Variants in PTPRD observed in about 807,000 individuals in gnomAD.
PTPRD encodes the protein receptor-type tyrosine-protein phosphatase delta.
A neutral mutation model predicts 214.5 loss-of-function variants in PTPRD; 34 were observed. That is an observed-to-expected ratio of 0.16 (90% CI 0.12 to 0.21). PTPRD has a LOEUF of 0.21. Among genes scored for constraint, PTPRD ranks in the 10% least tolerant of loss-of-function variants. The pLI is 1.00. For missense variants in PTPRD, 2,545 were observed against 2,398.7 expected (o/e 1.06, Z -1.27); for synonymous variants, 1,128 against 845.7 (o/e 1.33, Z -5.79).
intron 11 of PTPRD, among the ~76,000 whole-genome samples, chr9:8,786,375 C>T (rs1253793654): frequency 6.9e-6 from 1 of 144,766 alleles, no homozygotes; most frequent in East Asian, 2.0e-4. Context: ...TTGTTCCAGG[C>T]AGACAAAAAA....
intron 2 of PTPRD, among the ~76,000 whole-genome samples, chr9:10,406,352 A>G (rs577664038): frequency 1.5e-4 from 23 of 151,682 alleles, no homozygotes; most frequent in African/African-American, 4.8e-4. Context: ...CAAAATACCT[A>G]ATATTATAGT....
chr9:9,301,102 T>C (rs1955119459), intron 9 of PTPRD, among the ~76,000 whole-genome samples: 2 of 151,828 alleles, frequency 1.3e-5, no homozygotes, highest in African/African-American at 2.4e-5. Flanking sequence ...TTTAAGATTC[T>C]TGTGATTAAT....
intron 39 of PTPRD, among the ~76,000 whole-genome samples, chr9:8,351,394 A>G (rs965942183): frequency 4.0e-5 from 6 of 150,418 alleles, no homozygotes; most frequent in Non-Finnish European, 8.9e-5. Flanking sequence ...TAGTTGAAGT[A>G]TTTTTTTGTA....
intron 9 of PTPRD, among the ~76,000 whole-genome samples, chr9:9,343,090 C>T (rs1010301024): frequency 6.6e-6 from 1 of 152,126 alleles, no homozygotes; most frequent in African/African-American, 2.4e-5. Context: ...GCATAGTATT[C>T]CATGATGTAT....
intron 3 of PTPRD, among the ~76,000 whole-genome samples, chr9:10,058,046 G>A (rs762587393): frequency 3.3e-5 from 5 of 152,090 alleles, no homozygotes; most frequent in Admixed American, 6.6e-5. Flanking sequence ...GCCAGTATAC[G>A]GGTATGTGTG....
intron 4 of PTPRD, among the ~76,000 whole-genome samples, chr9:10,012,311 A>G (rs2096618028): frequency 6.6e-6 from 1 of 151,814 alleles, no homozygotes; most frequent in Non-Finnish European, 1.5e-5. Context: ...GGTCGGTGGA[A>G]GATTCAGACA....
chr9:9,883,432 G>A (rs1434832562), intron 5 of PTPRD, among the ~76,000 whole-genome samples: 1 of 152,120 alleles, frequency 6.6e-6, no homozygotes, highest in Non-Finnish European at 1.5e-5. Context: ...AAGGTGTGAA[G>A]AGGAGGTCAA....
chr9:10,188,474 C>CT (rs1265034271), intron 3 of PTPRD, among the ~76,000 whole-genome samples: 1 of 151,804 alleles, frequency 6.6e-6, no homozygotes, highest in Non-Finnish European at 1.5e-5. Flanking sequence ...AACTTGTTAA[C>CT]TTTTTTTGAC....
At chr9:8,596,294 G>A (rs1006155286) in intron 14 of PTPRD, among the ~76,000 whole-genome samples, 4 of 151,826 alleles carry the variant, frequency 2.6e-5, no homozygotes, top group African/African-American at 9.7e-5. Context: ...GGATTATATG[G>A]ATAAATATAC....
At chr9:10,552,536 C>T (rs2061567803) in intron 2 of PTPRD, among the ~76,000 whole-genome samples, 1 of 151,944 alleles carries the variant, frequency 6.6e-6, no homozygotes, top group Non-Finnish European at 1.5e-5. Context: ...TCAGTTTTTC[C>T]TCCTATCTCC....
At chr9:10,499,325 A>G (rs1363693156) in intron 2 of PTPRD, among the ~76,000 whole-genome samples, 1 of 151,860 alleles carries the variant, frequency 6.6e-6, no homozygotes, top group Non-Finnish European at 1.5e-5. Flanking sequence ...CTTAATGTAT[A>G]ATAAAAAAGA....
intron 5 of PTPRD, among the ~76,000 whole-genome samples, chr9:9,791,101 G>C (rs536763994): frequency 6.6e-6 from 1 of 152,150 alleles, no homozygotes; most frequent in South Asian, 2.1e-4. Context: ...TTTTGTTACA[G>C]ATTTTTTTTA....
intron 10 of PTPRD, among the ~76,000 whole-genome samples, chr9:9,094,307 A>C (rs1324810260): frequency 6.6e-6 from 1 of 152,188 alleles, no homozygotes; most frequent in East Asian, 1.9e-4. Context: ...GTGGATAAAT[A>C]ATATATATAA....
chr9:9,131,842 T>TTTTTTTTTTTTTTTTTTTTG (rs1253047538), intron 10 of PTPRD, among the ~76,000 whole-genome samples: 1 of 152,158 alleles, frequency 6.6e-6, no homozygotes, highest in Non-Finnish European at 1.5e-5. Context: ...ATATGTTTCT[T>TTTTTTTTTTTTTTTTTTTTG]AAAACAACAT....
intron 9 of PTPRD, among the ~76,000 whole-genome samples, chr9:9,328,968 A>G (rs2041237391): frequency 6.6e-6 from 1 of 151,944 alleles, no homozygotes. Context: ...AGTGATAAGG[A>G]GTGAAACTTG....
chr9:9,499,146 T>A (rs2154219611), intron 8 of PTPRD, among the ~76,000 whole-genome samples: 1 of 152,146 alleles, frequency 6.6e-6, no homozygotes, highest in East Asian at 1.9e-4. Context: ...TCCTATTGTT[T>A]CTCTTCAAAG....
intron 39 of PTPRD, among the ~76,000 whole-genome samples, chr9:8,346,264 A>G (rs987240433): frequency 3.3e-5 from 5 of 152,114 alleles, no homozygotes; most frequent in African/African-American, 1.2e-4. Context: ...GCAAAAGCCA[A>G]TCCTTACATT....
chr9:10,573,890 C>T (rs1219089767), intron 2 of PTPRD, among the ~76,000 whole-genome samples: 1 of 151,872 alleles, frequency 6.6e-6, no homozygotes, highest in African/African-American at 2.4e-5. Context: ...ACGTGTATAC[C>T]TATGTAACAA....
At chr9:9,071,430 C>A (rs1280865914) in intron 10 of PTPRD, among the ~76,000 whole-genome samples, 1 of 152,134 alleles carries the variant, frequency 6.6e-6, no homozygotes, top group African/African-American at 2.4e-5. Flanking sequence ...AAGAACTAGG[C>A]CTTCTCTGAA....
Sources: gnomAD v4.1 joint callset for allele counts (sites outside exome capture counted in the v4.1 genomes callset) on GRCh38, gnomAD v4.1.1 for gene constraint, MANE v1.5 for transcripts, NCBI Gene and HGNC (gene_info 2026-07-23, HGNC 2026-07-21) for gene names.